The following TNRC6B variants were observed in gnomAD, a reference collection of about 807,000 sequenced individuals.
TNRC6B encodes the protein trinucleotide repeat containing adaptor 6B.
Under a neutral mutation model 203.6 loss-of-function variants are expected in TNRC6B, and 52 were observed. That is an observed-to-expected ratio of 0.26 (90% CI 0.20 to 0.32). The LOEUF is 0.32. TNRC6B is among the 10% of genes least tolerant of loss of function. TNRC6B has a pLI of 1.00. For synonymous variants in TNRC6B, 838 were observed against 845.7 expected (o/e 0.99, Z 0.16); for missense variants, 1,923 against 2,286.2 (o/e 0.84, Z 3.24).
At chr22:40,169,959 A>G (rs993197245) in intron 4 of TNRC6B, among the ~76,000 whole-genome samples, 8 of 152,068 alleles carry the variant, frequency 5.3e-5, no homozygotes, top group African/African-American at 1.4e-4. Flanking sequence ...TAACTAATTC[A>G]TAAGTATCTC....
In TNRC6B at chr22:40,334,276, A is replaced by C. The variant is rs1194672540; in HGVS notation, c.*11035A>C. On this transcript the variant is annotated 3_prime_UTR_variant, in exon 23 of 23. Coordinates refer to ENST00000454349, the MANE Select transcript of TNRC6B (RefSeq NM_001162501.2). ...TCACAGAAGACATCAAAAATGGTGC[A>C]TGCACCGTGAATGTGCTCACAGAGA... The C allele has an allele frequency of 6.6e-6, 1 of 152,660 alleles. No homozygotes were observed. Among genetic ancestry groups the C allele is most frequent in the African/African-American group, 2.4e-5 (1 of 41,444 alleles). The allele number at this position is 152,660 out of a possible 1,614,324, so 9.5% of individuals were successfully genotyped here.
intron 1 of TNRC6B, among the ~76,000 whole-genome samples, chr22:40,222,178 C>T (rs1255272549): frequency 1.3e-5 from 2 of 152,050 alleles, no homozygotes; most frequent in African/African-American, 2.4e-5. Flanking sequence ...TCTTACTTAC[C>T]CATTTGCGGT....
chr22:40,129,578 C>T (rs1364102509), intron 3 of TNRC6B, among the ~76,000 whole-genome samples: 2 of 152,144 alleles, frequency 1.3e-5, no homozygotes, highest in Non-Finnish European at 2.9e-5. Context: ...CACTCAGTAA[C>T]TTCAGATGCT....
At chr22:40,046,872 C>A (rs1332484296) in intron 1 of TNRC6B, among the ~76,000 whole-genome samples, 2 of 152,046 alleles carry the variant, frequency 1.3e-5, no homozygotes. Flanking sequence ...GTCTCGATCT[C>A]CTGACTTCAT....
chr22:40,256,498 GTTTTTTAA>G (rs2070280169), intron 3 of TNRC6B, among the ~76,000 whole-genome samples: 1 of 152,090 alleles, frequency 6.6e-6, no homozygotes, highest in Admixed American at 6.6e-5. Flanking sequence ...TATTTTCTAC[GTTTTTTAA>G]TTTATTGGAG....
At chr22:40,196,854 T>G (rs956940640) in intron 1 of TNRC6B, among the ~76,000 whole-genome samples, 2 of 152,066 alleles carry the variant, frequency 1.3e-5, no homozygotes, top group African/African-American at 4.8e-5. Context: ...GGACATGAAC[T>G]GATTCATTAA....
At chr22:40,321,644 G>A (rs2071335387) in intron 22 of TNRC6B, 1 of 169,280 alleles carries the variant, frequency 5.9e-6, no homozygotes, top group African/African-American at 2.4e-5. Flanking sequence ...AAATCAGCCA[G>A]GCGTGGGGGC....
chr22:40,230,662 T>A (rs906786623), intron 1 of TNRC6B, among the ~76,000 whole-genome samples: 1 of 152,192 alleles, frequency 6.6e-6, no homozygotes. Context: ...ATAAGTGATT[T>A]GCAGATAACT....
chr22:40,072,311 A>G (rs570691632), intron 1 of TNRC6B, among the ~76,000 whole-genome samples: 2 of 152,312 alleles, frequency 1.3e-5, no homozygotes, highest in East Asian at 3.9e-4. Flanking sequence ...TTACTTAAGA[A>G]ACGGGGTGTT....
intron 7 of TNRC6B, among the ~76,000 whole-genome samples, chr22:40,275,397 C>G (rs1031342572): frequency 6.6e-6 from 1 of 152,188 alleles, no homozygotes; most frequent in Non-Finnish European, 1.5e-5. Flanking sequence ...GGAATTGACT[C>G]TTTCAGCCCC....
intron 12 of TNRC6B, among the ~76,000 whole-genome samples, chr22:40,287,103 G>A (rs565817112): frequency 6.6e-6 from 1 of 152,154 alleles, no homozygotes; most frequent in Admixed American, 6.5e-5. Context: ...TCAAACTCTT[G>A]GGCTCAAGCA....
chr22:40,233,230 G>C (rs1216982621), intron 1 of TNRC6B, among the ~76,000 whole-genome samples: 1 of 152,164 alleles, frequency 6.6e-6, no homozygotes, highest in African/African-American at 2.4e-5. Context: ...GGCTGAGGTA[G>C]GAGAATTGCT....
rs1199974271 is a variant in TNRC6B at position 40,325,284 on chromosome 22, G to A, written c.*2043G>A. 6.6e-6 allele frequency: 1 copy of A among 152,636 alleles called. No homozygotes were observed. The highest frequency in any genetic ancestry group is 1.5e-5 in the Non-Finnish European group (1 of 68,044). The allele number at this position is 152,636 out of a possible 1,614,324, so 9.5% of individuals were successfully genotyped here. A position where few individuals can be genotyped will look rare whatever the true frequency, so the allele number is the denominator to read the frequency against. On this transcript the variant is annotated 3_prime_UTR_variant, in exon 23 of 23. Coordinates refer to ENST00000454349, the MANE Select transcript of TNRC6B (RefSeq NM_001162501.2). ...TAATGTATTTGACTTTTTAGCTTGT[G>A]TCTGTGTGTAGGTGGGTGGGTGGGT...
chr22:40,057,265 TAAATGTGTA>T (rs2067806174), intron 1 of TNRC6B, among the ~76,000 whole-genome samples: 1 of 151,310 alleles, frequency 6.6e-6, no homozygotes, highest in Non-Finnish European at 1.5e-5. Flanking sequence ...GTTGATTTAT[TAAATGTGTA>T]CATTGAAAAT....
intron 11 of TNRC6B, among the ~76,000 whole-genome samples, chr22:40,282,638 T>G (rs752673259): frequency 1.3e-5 from 2 of 152,162 alleles, no homozygotes; most frequent in Non-Finnish European, 2.9e-5. Context: ...AGCCGAGCAT[T>G]AGGCTCTAAA....
chr22:40,262,088 T>A lies in TNRC6B; in HGVS notation c.372T>A (p.Pro124=), dbSNP rs1359774467. ...TGCTCCTTGGGGGTGGGGCAGGGCC[T>A]CCTCCCTGCACAGCACCTGGAGCAA... The part of the protein sequence containing the change: ...SCMLLGGGAG[P]PPCTAPGANP... The change falls in exon 4 of 23, where the codon CCT becomes CCA. Residue 124 remains proline (P), a synonymous_variant. Coordinates refer to ENST00000454349, the MANE Select transcript of TNRC6B (RefSeq NM_001162501.2). The A allele has an allele frequency of 3.8e-6, 6 of 1,568,838 alleles. No homozygotes were observed. Among genetic ancestry groups the A allele is most frequent in the Non-Finnish European group, 8.7e-7 (1 of 1,147,900 alleles).
chr22:40,168,639 G>A (rs544234761), intron 4 of TNRC6B, among the ~76,000 whole-genome samples: 9 of 152,326 alleles, frequency 5.9e-5, no homozygotes, highest in African/African-American at 1.7e-4. Context: ...ATCTAACATA[G>A]TTTTGGCTAT....
intron 1 of TNRC6B, among the ~76,000 whole-genome samples, chr22:40,077,347 C>G (rs1679088161): frequency 6.6e-6 from 1 of 152,172 alleles, no homozygotes; most frequent in African/African-American, 2.4e-5. Flanking sequence ...GCTAACTGTT[C>G]TTCACTGCCT....
At chr22:40,254,483 G>A (rs1020451730) in intron 3 of TNRC6B, among the ~76,000 whole-genome samples, 1 of 152,166 alleles carries the variant, frequency 6.6e-6, no homozygotes, top group Non-Finnish European at 1.5e-5. Flanking sequence ...TTATGCCACT[G>A]TACTCCAGCC....
Sources: allele counts gnomAD v4.1 joint callset (sites outside exome capture counted in the v4.1 genomes callset), GRCh38; gene constraint gnomAD v4.1.1; transcripts MANE v1.5; gene names NCBI Gene and HGNC (gene_info 2026-07-23, HGNC 2026-07-21).